The following TBCD variants were observed in gnomAD, a reference collection of about 807,000 sequenced individuals.
TBCD encodes tubulin-specific chaperone D.
A neutral mutation model predicts 169.3 loss-of-function variants in TBCD; 105 were observed. The ratio of observed to expected loss-of-function variants is 0.62; its 90% confidence interval spans 0.53 to 0.73. The LOEUF is 0.73. Among genes scored for constraint, TBCD ranks in the 30% least tolerant of loss-of-function variants. The pLI is 0.00. For synonymous variants in TBCD, 700 were observed against 643.9 expected (o/e 1.09, Z -1.32); for missense variants, 1,444 against 1,600.1 (o/e 0.90, Z 1.66).
chr17:82,916,110 T>C (rs1272962829), intron 23 of TBCD, among the ~76,000 whole-genome samples: 1 of 151,990 alleles, frequency 6.6e-6, no homozygotes, highest in Non-Finnish European at 1.5e-5. Flanking sequence ...TGCTTCTCCT[T>C]CTTGTTCTGT....
intron 18 of TBCD, among the ~76,000 whole-genome samples, chr17:82,902,156 C>T (rs994159364): frequency 6.6e-6 from 1 of 152,156 alleles, no homozygotes; most frequent in African/African-American, 2.4e-5. Context: ...TGTATTGACC[C>T]TTTATCTTTG....
At chr17:82,841,626 C>T (rs1204073015) in intron 13 of TBCD, among the ~76,000 whole-genome samples, 4 of 152,212 alleles carry the variant, frequency 2.6e-5, no homozygotes, top group African/African-American at 7.2e-5. Flanking sequence ...CAAAAAACAG[C>T]AGTTCCCTGT....
intron 13 of TBCD, among the ~76,000 whole-genome samples, chr17:82,860,234 G>T (rs187463230): frequency 1.3e-5 from 2 of 152,252 alleles, no homozygotes; most frequent in African/African-American, 4.8e-5. Context: ...GAGTGCCAGC[G>T]CACAGTGTTG....
In TBCD at chr17:82,889,203, C is replaced by T. The variant is rs554133462; in HGVS notation, c.1534-465C>T. On this transcript the variant is annotated intron_variant, in intron 15 of 38. Transcript: ENST00000355528. This position sits in a 1 kb window ranked among gnomAD's most constrained non-coding sequence, Gnocchi z 5.3. Reference sequence around the variant, plus strand: ...GCAGCCCTTGCTCTGGGCCTGTGCCCGGCCCTGGGACTCGGCCTGGAGAGC... The same window carrying T: ...GCAGCCCTTGCTCTGGGCCTGTGCCTGGCCCTGGGACTCGGCCTGGAGAGC... 7.2e-5 allele frequency among the ~76,000 whole-genome samples: 11 copies of T among 152,290 alleles called. No homozygotes were observed. The highest frequency in any genetic ancestry group is 2.6e-4 in the African/African-American group (11 of 41,572).
At chr17:82,820,036 T>C (rs2145038525) in intron 13 of TBCD, among the ~76,000 whole-genome samples, 1 of 152,068 alleles carries the variant, frequency 6.6e-6, no homozygotes, top group African/African-American at 2.4e-5. Context: ...TGGAGTGCAG[T>C]GGCGCCCTCT....
intron 7 of TBCD, among the ~76,000 whole-genome samples, chr17:82,791,395 A>G (rs778479089): frequency 7.2e-5 from 11 of 152,074 alleles, no homozygotes; most frequent in African/African-American, 1.2e-4. Flanking sequence ...CCGGCCATGG[A>G]TCATTAACCT....
intron 1 of TBCD, among the ~76,000 whole-genome samples, chr17:82,755,744 T>C (rs1341969681): frequency 1.3e-5 from 2 of 152,162 alleles, no homozygotes; most frequent in East Asian, 1.9e-4. Flanking sequence ...TTGTTTTTAG[T>C]TTACAGGCAT....
At chr17:82,784,625 G>A (rs1241494088) in intron 7 of TBCD, among the ~76,000 whole-genome samples, 3 of 152,198 alleles carry the variant, frequency 2.0e-5, no homozygotes, top group Non-Finnish European at 2.9e-5. Context: ...GTCTCACTGA[G>A]GAAACATGAA....
intron 22 of TBCD, among the ~76,000 whole-genome samples, chr17:82,910,523 G>A (rs1171705218): frequency 1.3e-5 from 2 of 151,940 alleles, no homozygotes; most frequent in African/African-American, 4.8e-5. Context: ...CACAGGATCT[G>A]CCAGTGCTTT....
At chr17:82,887,132 T>C (rs1280299766) in intron 15 of TBCD, among the ~76,000 whole-genome samples, 2 of 13,142 alleles carry the variant, frequency 1.5e-4, no homozygotes, top group African/African-American at 5.8e-4. Context: ...ACCTGTACTC[T>C]GTGTGTGTGT....
rs911876480 is a variant in TBCD at position 82,920,916 on chromosome 17, G to A, written c.2101+298G>A. ...CAGTTCTTCTCCCAGGCAGACAGTC[G>A]GGAGCTGCAGCCACCCAGGCCCTCG... is the stretch of plus-strand genomic sequence containing the variant. On this transcript the variant is annotated intron_variant, in intron 24 of 38. Transcript: ENST00000355528. The surrounding 1 kb of genome is among the most constrained non-coding windows in gnomAD (Gnocchi z 4.1). 1 of 402,848 alleles carries A rather than the reference G, an allele frequency of 2.5e-6. No individual in the cohort carries two copies. Among genetic ancestry groups the A allele is most frequent in the Non-Finnish European group, 4.5e-6 (1 of 222,682 alleles). The allele number at this position is 402,848 out of a possible 1,614,324, so 25.0% of individuals were successfully genotyped here. A position where few individuals can be genotyped will look rare whatever the true frequency, so the allele number is the denominator to read the frequency against.
chr17:82,754,695 T>A (rs896664160), intron 1 of TBCD, among the ~76,000 whole-genome samples: 2 of 152,218 alleles, frequency 1.3e-5, no homozygotes, highest in African/African-American at 4.8e-5. Flanking sequence ...GTTGCCTGGA[T>A]CAGATCTGCC....
At chr17:82,843,875 A>G (rs1269463447) in intron 13 of TBCD, among the ~76,000 whole-genome samples, 1 of 152,180 alleles carries the variant, frequency 6.6e-6, no homozygotes, top group African/African-American at 2.4e-5. Flanking sequence ...GACCGTGGCA[A>G]CTGCAGGCTG....
intron 4 of TBCD, among the ~76,000 whole-genome samples, chr17:82,768,061 C>T (rs1434512310): frequency 6.6e-6 from 1 of 151,690 alleles, no homozygotes; most frequent in Admixed American, 6.6e-5. Context: ...TTTCTTTATT[C>T]TTAGGTGTTT....
rs993705186 is a variant in TBCD at position 82,889,252 on chromosome 17, C to T, written c.1534-416C>T. Reference sequence around the variant, plus strand: ...GCCTATTGACACCGTGCCATGGGTGCGGGCAGGGCGCCCTCCCTGGAGGGC... The same window carrying T: ...GCCTATTGACACCGTGCCATGGGTGTGGGCAGGGCGCCCTCCCTGGAGGGC... On this transcript the variant is annotated intron_variant, in intron 15 of 38. Coordinates refer to ENST00000355528, the MANE Select transcript of TBCD (RefSeq NM_005993.5). The surrounding 1 kb of genome is among the most constrained non-coding windows in gnomAD (Gnocchi z 5.3). Among the ~76,000 whole-genome samples the T allele has an allele frequency of 6.6e-6, 1 of 152,102 alleles. No individual in the cohort carries two copies. Among genetic ancestry groups the T allele is most frequent in the Non-Finnish European group, 1.5e-5 (1 of 67,990 alleles).
At chr17:82,805,402 T>C (rs917280714) in intron 9 of TBCD, among the ~76,000 whole-genome samples, 12 of 152,174 alleles carry the variant, frequency 7.9e-5, no homozygotes, top group African/African-American at 2.9e-4. Flanking sequence ...CGTTGCTGCC[T>C]TTTGAGGGGC....
At chr17:82,876,561 A>G (rs1310615568) in intron 14 of TBCD, among the ~76,000 whole-genome samples, 1 of 152,192 alleles carries the variant, frequency 6.6e-6, no homozygotes, top group Non-Finnish European at 1.5e-5. Flanking sequence ...TTTCTCGATG[A>G]GCCAGTTTTG....
Position 82,938,062 on chromosome 17 carries a change from G to T in TBCD, c.3295G>T (p.Val1099Leu). Reference sequence around the variant, plus strand: ...TGCTCCCGGCAGGTTCTGCGAGATGGTGCAGTTCCCCGGCGACGTGAGGAG... The same window carrying T: ...TGCTCCCGGCAGGTTCTGCGAGATGTTGCAGTTCCCCGGCGACGTGAGGAG... The part of the protein sequence containing the change: ...LSGIAVFCEM[V>L]QFPGDVRRQA... Residue 1099 changes from valine (V) to leucine (L), a missense_variant, in exon 36 of 39, where the codon GTG becomes TTG. Val to Leu is a conservative substitution (Grantham distance 32). Coordinates refer to ENST00000355528, the MANE Select transcript of TBCD (RefSeq NM_005993.5). The T allele has an allele frequency of 6.2e-7, 1 of 1,613,192 alleles. No homozygotes were observed. Among genetic ancestry groups the T allele is most frequent in the East Asian group, 2.2e-5 (1 of 44,872 alleles).
In TBCD at chr17:82,833,120, C is replaced by A. The variant is rs975373052; in HGVS notation, c.1318+18186C>A. 1.3e-5 allele frequency among the ~76,000 whole-genome samples: 2 copies of A among 152,048 alleles called. No individual in the cohort carries two copies. Among genetic ancestry groups the A allele is most frequent in the Non-Finnish European group, 2.9e-5 (2 of 68,032 alleles). Reference sequence around the variant, plus strand: ...GGGTGTGTGATCGGCCACACTCTCACGTGAAATACGAAGGGGTTTGTGGCT... The same window carrying A: ...GGGTGTGTGATCGGCCACACTCTCAAGTGAAATACGAAGGGGTTTGTGGCT... On this transcript the variant is annotated intron_variant, in intron 13 of 38. Coordinates refer to ENST00000355528, the MANE Select transcript of TBCD (RefSeq NM_005993.5). The surrounding 1 kb of genome is among the most constrained non-coding windows in gnomAD (Gnocchi z 4.7).
Sources: allele counts gnomAD v4.1 joint callset (sites outside exome capture counted in the v4.1 genomes callset), GRCh38; gene constraint gnomAD v4.1.1; non-coding constraint Gnocchi (gnomAD v3.1); transcripts MANE v1.5; gene names NCBI Gene and HGNC (gene_info 2026-07-23, HGNC 2026-07-21).